The following TJP1 variants were observed in gnomAD, a reference collection of about 807,000 sequenced individuals.
TJP1 encodes tight junction protein 1.
Under a neutral mutation model 194.2 loss-of-function variants are expected in TJP1, and 43 were observed. The ratio of observed to expected loss-of-function variants is 0.22; its 90% CI spans 0.17 to 0.29. The LOEUF (loss-of-function observed/expected upper bound fraction) is 0.29. Ranked by LOEUF, TJP1 falls within the 10% of genes least tolerant of loss-of-function variation. The probability of loss-of-function intolerance (pLI) is 1.00; values close to 1 mark genes in which losing one functional copy is unlikely to be tolerated. For synonymous variants in TJP1, 801 were observed against 779.0 expected (o/e 1.03, Z -0.47); for missense variants, 1,971 against 2,185.7 (o/e 0.90, Z 1.96).
intron 8 of TJP1, among the ~76,000 whole-genome samples, chr15:29,758,588 C>A (rs532225226): frequency 6.6e-6 from 1 of 152,036 alleles, no homozygotes; most frequent in Non-Finnish European, 1.5e-5. Flanking sequence ...ATTCAGATTG[C>A]GTTATTTAAA....
At position 29,720,520 on chromosome 15, in the gene TJP1, C is replaced by T. The variant is rs752270962; in HGVS notation, c.2601G>A (p.Gly867=). Residue 867 remains glycine, a synonymous_variant, in exon 19 of 28, where the codon GGG becomes GGA. Coordinates refer to ENST00000614355, the MANE Select transcript of TJP1 (RefSeq NM_001330239.4). The part of the protein sequence containing the change: ...ELDETLNDEV[G]TPPESAITRS... ...GTGTAATGGCAGACTCCGGTGGAGTCCCAACCTCATCATTAAGAGTTTCAT... is the reference window on the plus strand; with the variant it reads ...GTGTAATGGCAGACTCCGGTGGAGTTCCAACCTCATCATTAAGAGTTTCAT... 15 of 1,614,038 alleles carry T rather than the reference C, an allele frequency of 9.3e-6. No individual in the cohort carries two copies. The highest frequency in any genetic ancestry group is 1.2e-5 in the Non-Finnish European group (14 of 1,180,012).
At chr15:29,928,617 G>A (rs1469870802) in intron 2 of TJP1, among the ~76,000 whole-genome samples, 4 of 152,170 alleles carry the variant, frequency 2.6e-5, no homozygotes. Context: ...AGGAAAAATA[G>A]ATAATCTTAC....
chr15:29,912,220 G>C (rs1263414077), intron 2 of TJP1, among the ~76,000 whole-genome samples: 1 of 152,182 alleles, frequency 6.6e-6, no homozygotes, highest in Non-Finnish European at 1.5e-5. Context: ...TACTCTCACG[G>C]CCTAATCACC....
chr15:29,701,430 C>CGT lies in TJP1; in HGVS notation c.*164_*165insAC. The CGT allele has an allele frequency of 5.5e-6, 3 of 546,440 alleles. No homozygotes were observed. The highest frequency in any genetic ancestry group is 3.0e-5 in the South Asian group (1 of 32,796). 33.8% of individuals were successfully genotyped at this position (546,440 alleles called of 1,614,324 possible). A position where few individuals can be genotyped will look rare whatever the true frequency, so the allele number is the denominator to read the frequency against. The stretch of plus-strand genomic sequence containing the variant: ...TGCAGTGTGTAGCATGTTTTCCGAC[C>CGT]ATGGTTCAGGGGCATGCTCACTCAT... On this transcript the variant is annotated 3_prime_UTR_variant, in exon 28 of 28. Coordinates refer to ENST00000614355, the MANE Select transcript of TJP1 (RefSeq NM_001330239.4).
chr15:29,796,315 T>A, intron 2 of TJP1, among the ~76,000 whole-genome samples: 1 of 148,496 alleles, frequency 6.7e-6, no homozygotes. Context: ...CTACAACTAG[T>A]AATTTTAAGA....
At chr15:29,926,539 G>A (rs1278031570) in intron 2 of TJP1, among the ~76,000 whole-genome samples, 6 of 151,768 alleles carry the variant, frequency 4.0e-5, no homozygotes, top group Non-Finnish European at 7.4e-5. Flanking sequence ...TTGAACCCGG[G>A]AGGTGGAGGA....
chr15:29,767,066 C>T (rs949738138), intron 4 of TJP1, among the ~76,000 whole-genome samples: 4 of 152,198 alleles, frequency 2.6e-5, no homozygotes, highest in Non-Finnish European at 4.4e-5. Context: ...CTAATTAACT[C>T]AGCCGTACTT....
At chr15:29,876,102 G>A (rs2052689003) in intron 2 of TJP1, among the ~76,000 whole-genome samples, 1 of 152,186 alleles carries the variant, frequency 6.6e-6, no homozygotes, top group Non-Finnish European at 1.5e-5. Flanking sequence ...CAATGATACT[G>A]AACAGTGCAG....
chr15:29,815,803 C>T (rs1233788891), intron 1 of TJP1, among the ~76,000 whole-genome samples: 1 of 152,158 alleles, frequency 6.6e-6, no homozygotes, highest in African/African-American at 2.4e-5. Flanking sequence ...TAGAACTGTA[C>T]AGAGTTTACA....
At chr15:29,884,591 T>C (rs76148855) in intron 2 of TJP1, among the ~76,000 whole-genome samples, 6,043 of 152,262 alleles carry the variant, frequency 0.04, 156 homozygotes, top group African/African-American at 0.07. Context: ...AACTAAACTA[T>C]AGAAAAGCAG....
chr15:29,727,216 C>T lies in TJP1; in HGVS notation c.2101-225G>A, dbSNP rs145955534. Among the ~76,000 whole-genome samples the T allele has an allele frequency of 3.5e-4, 53 of 152,112 alleles. No individual in the cohort carries two copies. In the East Asian group the frequency reaches 8.1e-3, roughly 23 times the overall value. ...AAAACTAGCCAGGCATGGTGGTGCA[C>T]GCCTGTAATCCCAGCTACTTGGGTG... On this transcript the variant is annotated intron_variant, in intron 16 of 27. Coordinates refer to ENST00000614355, the MANE Select transcript of TJP1 (RefSeq NM_001330239.4).
chr15:29,955,521 T>C (rs1201758291), intron 2 of TJP1, among the ~76,000 whole-genome samples: 1 of 151,308 alleles, frequency 6.6e-6, no homozygotes, highest in Admixed American at 6.6e-5. Context: ...TGTAATCACT[T>C]AGAATAAAAA....
chr15:29,834,728 G>A (rs2050967989), intron 2 of TJP1, among the ~76,000 whole-genome samples: 1 of 152,148 alleles, frequency 6.6e-6, no homozygotes, highest in Admixed American at 6.5e-5. Context: ...ACTTGAAGGG[G>A]ACAAATTAAA....
intron 2 of TJP1, among the ~76,000 whole-genome samples, chr15:29,866,623 A>G (rs149453408): frequency 3.3e-4 from 50 of 152,160 alleles, no homozygotes; most frequent in East Asian, 2.9e-3. Flanking sequence ...ATTTATGCAG[A>G]AAAAAAACAG....
intron 9 of TJP1, 51 bp downstream of exon 9, chr15:29,742,591 C>T: frequency 6.8e-7 from 1 of 1,478,798 alleles, no homozygotes; most frequent in East Asian, 2.5e-5. Flanking sequence ...CTAACAATTA[C>T]TTCACTCTAC....
chr15:29,955,561 G>A (rs999097204), intron 2 of TJP1, among the ~76,000 whole-genome samples: 1 of 151,120 alleles, frequency 6.6e-6, no homozygotes, highest in Non-Finnish European at 1.5e-5. Flanking sequence ...GACCAGCCAG[G>A]GCAACATAGT....
chr15:29,953,743 G>C (rs917544034), intron 2 of TJP1, among the ~76,000 whole-genome samples: 10 of 152,070 alleles, frequency 6.6e-5, no homozygotes, highest in African/African-American at 1.9e-4. Context: ...TCAAAAACCT[G>C]AGTAAGAAAA....
chr15:29,851,432 A>C (rs1025584248), intron 2 of TJP1, among the ~76,000 whole-genome samples: 1 of 152,170 alleles, frequency 6.6e-6, no homozygotes, highest in African/African-American at 2.4e-5. Flanking sequence ...TGAAACAGGC[A>C]ATCTGAATAG....
chr15:29,734,153 G>T, intron 12 of TJP1, 121 bp downstream of exon 12: 1 of 646,196 alleles, frequency 1.5e-6, no homozygotes, highest in Non-Finnish European at 2.6e-6. Flanking sequence ...CTTTCTTTGA[G>T]ATTAACAAAT....
Sources: gnomAD v4.1 joint callset for allele counts (sites outside exome capture counted in the v4.1 genomes callset) on GRCh38, gnomAD v4.1.1 for gene constraint, MANE v1.5 for transcripts, NCBI Gene and HGNC (gene_info 2026-07-23, HGNC 2026-07-21) for gene names.